Variants in ACBD6 observed in about 807,000 individuals in gnomAD.
ACBD6 encodes acyl-CoA binding domain containing 6.
A neutral mutation model predicts 37.2 loss-of-function variants in ACBD6; 28 were observed. That is an observed-to-expected ratio of 0.75 (90% CI 0.56 to 1.03). The LOEUF (loss-of-function observed/expected upper bound fraction) is 1.03, where lower values mean the gene tolerates loss of function less well. ACBD6 is among the 50% of genes least tolerant of loss of function. The pLI, the probability that ACBD6 is intolerant of heterozygous loss-of-function variation, is 0.00. For missense variants in ACBD6, 340 were observed against 337.4 expected, an observed-to-expected ratio of 1.01 and a Z score of -0.06; for synonymous variants, 113 against 126.8, an observed-to-expected ratio of 0.89 and a Z score of 0.73.
At chr1:180,432,586 AAT>A (rs1475784024) in intron 3 of ACBD6, among the ~76,000 whole-genome samples, 2 of 152,188 alleles carry the variant, frequency 1.3e-5, no homozygotes, top group African/African-American at 4.8e-5. Flanking sequence ...GCTAAAATCC[AAT>A]ATGTCCTTAA....
At chr1:180,473,988 A>C (rs1650677122) in intron 3 of ACBD6, among the ~76,000 whole-genome samples, 2 of 152,192 alleles carry the variant, frequency 1.3e-5, no homozygotes, top group South Asian at 4.1e-4. Context: ...ACCCATAGTC[A>C]ATCTTATACA....
At chr1:180,455,363 G>A (rs1649874817) in intron 3 of ACBD6, among the ~76,000 whole-genome samples, 1 of 151,708 alleles carries the variant, frequency 6.6e-6, no homozygotes, top group Admixed American at 6.6e-5. Flanking sequence ...ACACACCAGG[G>A]CCTATCGGGG....
rs190756235 is a variant in ACBD6, at chr1:180,418,582, G to T, written c.468-5111C>A. Among the ~76,000 whole-genome samples, 782 of 139,548 alleles carry T rather than the reference G, an allele frequency of 5.6e-3. 6 individuals carry two copies. Among genetic ancestry groups the T allele is most frequent in the Non-Finnish European group, 8.9e-3 (564 of 63,442 alleles). 91.5% of individuals were successfully genotyped at this position (139,548 alleles called of 152,430 possible). The stretch of plus-strand genomic sequence containing the variant: ...GAGAAAGATCCTGTCTCTTAAAAAA[G>T]AAAAAAAAAAGACTTATCTGGGAGA... On this transcript the variant is annotated intron_variant, in intron 4 of 7. Coordinates refer to ENST00000367595, the MANE Select transcript of ACBD6 (RefSeq NM_032360.4).
At chr1:180,451,148 A>G (rs1649687091) in intron 3 of ACBD6, among the ~76,000 whole-genome samples, 1 of 152,236 alleles carries the variant, frequency 6.6e-6, no homozygotes, top group Non-Finnish European at 1.5e-5. Flanking sequence ...TGTACATTAA[A>G]AGGTGGTCAA....
intron 7 of ACBD6, among the ~76,000 whole-genome samples, chr1:180,296,674 G>A (rs956463377): frequency 4.0e-5 from 6 of 150,572 alleles, no homozygotes; most frequent in East Asian, 2.1e-4. Flanking sequence ...CAAGTGACCC[G>A]CCCACCCGGG....
At chr1:180,457,160 A>G (rs1239485091) in intron 3 of ACBD6, among the ~76,000 whole-genome samples, 1 of 152,140 alleles carries the variant, frequency 6.6e-6, no homozygotes, top group Non-Finnish European at 1.5e-5. Flanking sequence ...AAAGGAGAGC[A>G]TGTAGGGGCA....
At chr1:180,365,114 C>A (rs962453337) in intron 6 of ACBD6, among the ~76,000 whole-genome samples, 1 of 152,106 alleles carries the variant, frequency 6.6e-6, no homozygotes, top group South Asian at 2.1e-4. Context: ...ATTCAGGTAA[C>A]GTGACTCCAA....
At chr1:180,370,055 C>T (rs4652499) in intron 6 of ACBD6, among the ~76,000 whole-genome samples, 125,383 of 152,110 alleles carry the variant, frequency 0.82, 52,020 homozygotes, top group Non-Finnish European at 0.88. Context: ...ATATCAAACA[C>T]ATTAAGTGAT....
At chr1:180,464,382 T>C (rs1473643849) in intron 3 of ACBD6, among the ~76,000 whole-genome samples, 1 of 152,086 alleles carries the variant, frequency 6.6e-6, no homozygotes, top group African/African-American at 2.4e-5. Context: ...CTAGCTTTCC[T>C]ATACACCACC....
intron 9 of ACBD6, chr1:180,281,271 A>G (rs1234843802): frequency 6.6e-6 from 1 of 152,234 alleles, no homozygotes; most frequent in Non-Finnish European, 1.5e-5. Flanking sequence ...TAAAGGAAAG[A>G]TATCACTAGC....
chr1:180,481,256 T>G (rs1016478179), intron 3 of ACBD6, among the ~76,000 whole-genome samples: 6 of 151,772 alleles, frequency 4.0e-5, no homozygotes, highest in East Asian at 1.9e-4. Flanking sequence ...TTTTTTTTTT[T>G]TGTGACCCTG....
intron 1 of ACBD6, among the ~76,000 whole-genome samples, chr1:180,500,943 G>A (rs1457814874): frequency 6.6e-6 from 1 of 151,478 alleles, no homozygotes; most frequent in Non-Finnish European, 1.5e-5. Flanking sequence ...CAAGTGTCTT[G>A]CACATAAAAG....
chr1:180,376,195 A>G (rs76317346), intron 6 of ACBD6, among the ~76,000 whole-genome samples: 3,008 of 152,338 alleles, frequency 0.02, 100 homozygotes, highest in African/African-American at 0.067. Context: ...TGAAAAAGCT[A>G]TAAGGAAACA....
At chr1:180,371,530 A>T (rs1653265164) in intron 6 of ACBD6, among the ~76,000 whole-genome samples, 1 of 152,048 alleles carries the variant, frequency 6.6e-6, no homozygotes, top group Non-Finnish European at 1.5e-5. Context: ...CTGAGTCCTA[A>T]TTTCTGGAGT....
chr1:180,324,452 T>G (rs1241306235), intron 6 of ACBD6, among the ~76,000 whole-genome samples: 1 of 152,100 alleles, frequency 6.6e-6, no homozygotes. Context: ...TGATGACAAC[T>G]TAACACTGAT....
intron 4 of ACBD6, among the ~76,000 whole-genome samples, chr1:180,429,040 T>C (rs1648709658): frequency 6.6e-6 from 1 of 152,134 alleles, no homozygotes; most frequent in African/African-American, 2.4e-5. Flanking sequence ...TCACTGAAGA[T>C]CTACTAAGTT....
At chr1:180,317,822 T>C (rs1302172428) in intron 6 of ACBD6, among the ~76,000 whole-genome samples, 1 of 152,116 alleles carries the variant, frequency 6.6e-6, no homozygotes, top group Admixed American at 6.5e-5. Context: ...GAACCAAGCC[T>C]TGCTCATCTC....
At chr1:180,482,397 C>A (rs1400850486) in intron 3 of ACBD6, among the ~76,000 whole-genome samples, 2 of 151,620 alleles carry the variant, frequency 1.3e-5, no homozygotes, top group Non-Finnish European at 2.9e-5. Flanking sequence ...ATGGTCAACA[C>A]ACAAATAACA....
chr1:180,371,424 G>C (rs1336292366), intron 6 of ACBD6, among the ~76,000 whole-genome samples: 8 of 152,106 alleles, frequency 5.3e-5, no homozygotes, highest in African/African-American at 1.7e-4. Context: ...TAGATACAGA[G>C]TTTAGAATTA....
Sources: allele counts gnomAD v4.1 joint callset (sites outside exome capture counted in the v4.1 genomes callset), GRCh38; gene constraint gnomAD v4.1.1; transcripts MANE v1.5; gene names NCBI Gene and HGNC (gene_info 2026-07-23, HGNC 2026-07-21).